The following ERBB4 variants were observed in gnomAD, a reference collection of about 807,000 sequenced individuals.
The protein encoded by ERBB4 is erb-b2 receptor tyrosine kinase 4, also known as receptor tyrosine-protein kinase erbB-4.
ERBB4 carries 42 observed loss-of-function variants against 158.0 expected under a neutral mutation model. The ratio of observed to expected loss-of-function variants is 0.27; its 90% CI spans 0.21 to 0.34. ERBB4 has a LOEUF of 0.34. Among genes scored for constraint, ERBB4 ranks in the 10% least tolerant of loss-of-function variants. The probability of loss-of-function intolerance (pLI) is 1.00; values close to 1 mark genes in which losing one functional copy is unlikely to be tolerated. For synonymous variants in ERBB4, 583 were observed against 558.7 expected, an observed-to-expected ratio of 1.04 and a Z score of -0.61; for missense variants, 1,333 against 1,624.1, an observed-to-expected ratio of 0.82 and a Z score of 3.08.
intron 20 of ERBB4, among the ~76,000 whole-genome samples, chr2:211,516,369 T>C (rs774477203): frequency 6.6e-6 from 1 of 151,742 alleles, no homozygotes; most frequent in African/African-American, 2.4e-5. Context: ...AGTCTCACTC[T>C]GTTGCCCAGG....
intron 20 of ERBB4, among the ~76,000 whole-genome samples, chr2:211,481,568 A>C (rs1440584129): frequency 6.6e-6 from 1 of 151,392 alleles, no homozygotes; most frequent in Non-Finnish European, 1.5e-5. Context: ...TACTCTCTGG[A>C]AGTACTGCTG....
chr2:211,463,557 G>A (rs967121136), intron 20 of ERBB4, among the ~76,000 whole-genome samples: 1 of 152,190 alleles, frequency 6.6e-6, no homozygotes, highest in Non-Finnish European at 1.5e-5. Context: ...AAGCTGAAAT[G>A]TGCTAATAGG....
intron 19 of ERBB4, among the ~76,000 whole-genome samples, chr2:211,586,941 A>T (rs1458612951): frequency 1.3e-5 from 2 of 152,200 alleles, no homozygotes; most frequent in Non-Finnish European, 2.9e-5. Context: ...CCTAACATCC[A>T]GTACCTCAGA....
chr2:211,689,396 A>G (rs2072706963), intron 12 of ERBB4, among the ~76,000 whole-genome samples: 1 of 152,052 alleles, frequency 6.6e-6, no homozygotes, highest in Non-Finnish European at 1.5e-5. Context: ...ATGGAGTTTC[A>G]CTACGTTGCC....
At chr2:211,712,234 C>T in intron 8 of ERBB4, 58 bp from the exon 9 acceptor site, 4 of 1,510,902 alleles carry the variant, frequency 2.6e-6, no homozygotes, top group Non-Finnish European at 3.7e-6. Context: ...GCCAATAAAT[C>T]ATTGCATCTT....
intron 1 of ERBB4, among the ~76,000 whole-genome samples, chr2:212,141,164 T>C (rs2080462720): frequency 6.6e-6 from 1 of 151,986 alleles, no homozygotes; most frequent in African/African-American, 2.4e-5. Context: ...ACTTATATGC[T>C]GAAGACACAT....
At chr2:211,699,692 A>G (rs1011686155) in intron 12 of ERBB4, among the ~76,000 whole-genome samples, 2 of 152,146 alleles carry the variant, frequency 1.3e-5, no homozygotes, top group African/African-American at 2.4e-5. Context: ...ATTCTTATGC[A>G]CAGAACAAAA....
chr2:211,678,074 A>G (rs924030008), intron 13 of ERBB4, among the ~76,000 whole-genome samples: 2 of 152,070 alleles, frequency 1.3e-5, no homozygotes, highest in African/African-American at 4.8e-5. Context: ...GGTACTTACT[A>G]GCTTCTACTA....
chr2:212,267,047 T>C (rs913844404), intron 1 of ERBB4, among the ~76,000 whole-genome samples: 1 of 151,980 alleles, frequency 6.6e-6, no homozygotes, highest in South Asian at 2.1e-4. Context: ...ATATGTAGTG[T>C]AGATCATTAA....
chr2:212,212,738 G>C (rs191255854), intron 1 of ERBB4, among the ~76,000 whole-genome samples: 1 of 152,122 alleles, frequency 6.6e-6, no homozygotes, highest in Admixed American at 6.6e-5. Flanking sequence ...CAATGGAGCA[G>C]AACAGAGACC....
At chr2:212,082,373 A>G (rs1301044021) in intron 2 of ERBB4, among the ~76,000 whole-genome samples, 1 of 152,080 alleles carries the variant, frequency 6.6e-6, no homozygotes, top group East Asian at 1.9e-4. Flanking sequence ...AAACATAGCA[A>G]TATTGTTCAA....
At chr2:211,437,450 G>A (rs1455549893) in intron 20 of ERBB4, among the ~76,000 whole-genome samples, 1 of 152,110 alleles carries the variant, frequency 6.6e-6, no homozygotes, top group Non-Finnish European at 1.5e-5. Context: ...TCAAATAATG[G>A]TATTGACGAA....
At chr2:211,570,247 G>T (rs2125742122) in intron 19 of ERBB4, among the ~76,000 whole-genome samples, 1 of 151,062 alleles carries the variant, frequency 6.6e-6, no homozygotes, top group South Asian at 2.1e-4. Flanking sequence ...TGCCTCTCAG[G>T]TTCAAGCTAT....
chr2:212,116,582 G>C (rs1285495038), intron 2 of ERBB4, among the ~76,000 whole-genome samples: 1 of 152,026 alleles, frequency 6.6e-6, no homozygotes, highest in South Asian at 2.1e-4. Context: ...TGAGTAGGTG[G>C]GATTACAGGC....
rs1390044845 is a variant in ERBB4 at position 212,315,818 on chromosome 2, T to C, written c.83-190915A>G. On this transcript the variant is annotated intron_variant, in intron 1 of 27. Coordinates refer to ENST00000342788, the MANE Select transcript of ERBB4 (RefSeq NM_005235.3). Reference sequence around the variant, plus strand: ...GATGCCAAAGGAGAGATGCATATTATACAAAAAACTTTCTGACACAACAGA... The same window carrying C: ...GATGCCAAAGGAGAGATGCATATTACACAAAAAACTTTCTGACACAACAGA... Among the ~76,000 whole-genome samples the C allele has an allele frequency of 2.0e-5, 3 of 151,422 alleles. No homozygotes were observed. The Admixed American group carries it at 2.0e-4, about 10-fold the overall frequency.
intron 1 of ERBB4, among the ~76,000 whole-genome samples, chr2:212,393,095 A>T (rs1024545894): frequency 2.6e-5 from 4 of 152,000 alleles, no homozygotes; most frequent in Non-Finnish European, 5.9e-5. Flanking sequence ...CTACCATTAA[A>T]TATGCCTCTC....
chr2:211,614,411 A>G (rs2069309722), intron 19 of ERBB4, among the ~76,000 whole-genome samples: 1 of 152,064 alleles, frequency 6.6e-6, no homozygotes, highest in East Asian at 1.9e-4. Context: ...AGATGACTTA[A>G]TGAGTGTGAT....
intron 19 of ERBB4, among the ~76,000 whole-genome samples, chr2:211,567,165 G>C (rs138306086): frequency 6.6e-6 from 1 of 152,088 alleles, no homozygotes; most frequent in East Asian, 1.9e-4. Context: ...TGAGATTACC[G>C]GCCCAGGTCA....
At chr2:211,808,388 T>C (rs942012388) in intron 3 of ERBB4, among the ~76,000 whole-genome samples, 1 of 152,222 alleles carries the variant, frequency 6.6e-6, no homozygotes, top group Non-Finnish European at 1.5e-5. Flanking sequence ...TAGGGAATCC[T>C]TTCCCCATTG....
Sources: allele counts gnomAD v4.1 joint callset (sites outside exome capture counted in the v4.1 genomes callset), GRCh38; gene constraint gnomAD v4.1.1; transcripts MANE v1.5; gene names NCBI Gene and HGNC (gene_info 2026-07-23, HGNC 2026-07-21).